The following PIK3C3 variants were observed in gnomAD, a reference collection of about 807,000 sequenced individuals.
The protein encoded by PIK3C3 is PI3-kinase type 3.
A neutral mutation model predicts 126.1 loss-of-function variants in PIK3C3; 95 were observed. That is an observed-to-expected ratio of 0.75 (90% CI 0.64 to 0.89). The LOEUF (loss-of-function observed/expected upper bound fraction) is 0.89. Ranked by LOEUF, PIK3C3 falls within the 40% of genes least tolerant of loss-of-function variation. PIK3C3 has a pLI of 0.00. For missense variants in PIK3C3, 829 were observed against 1,063.2 expected (o/e 0.78, Z 3.06); for synonymous variants, 374 against 360.0 (o/e 1.04, Z -0.44).
intron 24 of PIK3C3, among the ~76,000 whole-genome samples, 170 bp downstream of exon 24, chr18:42,067,683 A>T (rs1486561151): frequency 1.3e-5 from 2 of 152,238 alleles, no homozygotes; most frequent in African/African-American, 2.4e-5. Context: ...CACGTTACTA[A>T]TTCCAAAACA....
intron 4 of PIK3C3, among the ~76,000 whole-genome samples, chr18:41,979,602 A>G (rs1568119459): frequency 6.6e-6 from 1 of 152,214 alleles, no homozygotes; most frequent in African/African-American, 2.4e-5. Flanking sequence ...GAAACATTAA[A>G]GTATCCAAGG....
At chr18:42,076,194 A>ACATATATATG (rs1568013956) in intron 24 of PIK3C3, among the ~76,000 whole-genome samples, 3 of 99,532 alleles carry the variant, frequency 3.0e-5, no homozygotes, top group African/African-American at 1.7e-4. Context: ...ATATATATGC[A>ACATATATATG]CACATATATA....
In PIK3C3 at chr18:42,086,885, C is replaced by T. The variant is rs542625559; in HGVS notation, c.*5748C>T. ...CATCCTTTCTTTATTAACCTGCTTT[C>T]ACTTTATGGACTCCCCTGAATTCTT... is the stretch of plus-strand genomic sequence containing the variant. On this transcript the variant is annotated 3_prime_UTR_variant, in exon 25 of 25. Transcript: ENST00000262039. 1 of 152,288 alleles carries T rather than the reference C, an allele frequency of 6.6e-6. No individual in the cohort carries two copies. The highest frequency in any genetic ancestry group is 2.4e-5 in the African/African-American group (1 of 41,570). 9.4% of individuals were successfully genotyped at this position (152,288 alleles called of 1,614,324 possible).
At chr18:42,063,823 G>C (rs1318989085) in intron 22 of PIK3C3, among the ~76,000 whole-genome samples, 1 of 152,040 alleles carries the variant, frequency 6.6e-6, no homozygotes, top group Non-Finnish European at 1.5e-5. Flanking sequence ...CCCTAGAGAA[G>C]ACAGTGCAAG....
intron 21 of PIK3C3, among the ~76,000 whole-genome samples, chr18:42,055,039 A>G (rs190343631): frequency 2.0e-5 from 3 of 152,102 alleles, no homozygotes; most frequent in Admixed American, 1.3e-4. Flanking sequence ...TAATTTGGGT[A>G]TTTGACTCCT....
chr18:42,053,188 G>T (rs1273982090), intron 21 of PIK3C3, among the ~76,000 whole-genome samples: 8 of 152,160 alleles, frequency 5.3e-5, no homozygotes, highest in Non-Finnish European at 1.2e-4. Context: ...AAATGATCCA[G>T]CTAAGAACTC....
chr18:41,984,813 G>A (rs1413255810), intron 4 of PIK3C3: 1 of 152,104 alleles, frequency 6.6e-6, no homozygotes. Context: ...AATGAAATAT[G>A]CCTTCTGATA....
intron 19 of PIK3C3, among the ~76,000 whole-genome samples, chr18:42,043,323 C>T (rs556095210): frequency 6.6e-6 from 1 of 152,178 alleles, no homozygotes; most frequent in South Asian, 2.1e-4. Context: ...GATCTCTTGA[C>T]CTCATGATCT....
Position 42,081,592 on chromosome 18 carries a change from A to G in PIK3C3, c.*455A>G, listed in dbSNP as rs1986253315. 1.3e-5 allele frequency: 2 copies of G among 158,534 alleles called. No individual in the cohort carries two copies. Among genetic ancestry groups the G allele is most frequent in the Non-Finnish European group, 2.8e-5 (2 of 72,402 alleles). The allele number at this position is 158,534 out of a possible 1,614,324, so 9.8% of individuals were successfully genotyped here. A position where few individuals can be genotyped will look rare whatever the true frequency, so the allele number is the denominator to read the frequency against. The stretch of plus-strand genomic sequence containing the variant: ...TTCCTTCTTTCCTCTCTCTTCTCCC[A>G]CTCACTTTTGTGTGTTGTTTGTTTT... On this transcript the variant is annotated 3_prime_UTR_variant, in exon 25 of 25. Transcript: ENST00000262039.
chr18:42,035,230 T>C (rs1226375698), intron 16 of PIK3C3, among the ~76,000 whole-genome samples: 2 of 152,154 alleles, frequency 1.3e-5, no homozygotes, highest in Admixed American at 1.3e-4. Flanking sequence ...CAAGGTAATA[T>C]ACATATAACA....
chr18:42,086,530 A>AC lies in PIK3C3; in HGVS notation c.*5394dup, dbSNP rs1568019024. On this transcript the variant is annotated 3_prime_UTR_variant, in exon 25 of 25. Coordinates refer to ENST00000262039, the MANE Select transcript of PIK3C3 (RefSeq NM_002647.4). Reference sequence around the variant, plus strand: ...AGGTCACAAAGACCTTGCTGATAAAACAGTCTGTGGTAAAGAAGCCAGCCA... The same window carrying AC: ...AGGTCACAAAGACCTTGCTGATAAAACCAGTCTGTGGTAAAGAAGCCAGCCA... 1 of 152,152 alleles carries AC rather than the reference A, an allele frequency of 6.6e-6. No individual in the cohort carries two copies. Among genetic ancestry groups the AC allele is most frequent in the African/African-American group, 2.4e-5 (1 of 41,434 alleles). 9.4% of individuals were successfully genotyped at this position (152,152 alleles called of 1,614,324 possible). A position where few individuals can be genotyped will look rare whatever the true frequency, so the allele number is the denominator to read the frequency against.
intron 22 of PIK3C3, among the ~76,000 whole-genome samples, chr18:42,061,251 GTTATTA>G (rs775216028): frequency 8.5e-4 from 130 of 152,072 alleles, no homozygotes; most frequent in Admixed American, 3.5e-3. Context: ...CCCTATTATT[GTTATTA>G]TTATTTTTTA....
chr18:42,034,810 A>G (rs1205153257), intron 16 of PIK3C3, among the ~76,000 whole-genome samples: 1 of 152,228 alleles, frequency 6.6e-6, no homozygotes, highest in African/African-American at 2.4e-5. Flanking sequence ...GCATGAGTTA[A>G]GAAAGGGCTC....
chr18:42,039,487 A>G (rs911265880), intron 18 of PIK3C3, among the ~76,000 whole-genome samples: 1 of 152,192 alleles, frequency 6.6e-6, no homozygotes, highest in Non-Finnish European at 1.5e-5. Flanking sequence ...AAGTGCTTGC[A>G]TAGTGTGACA....
chr18:41,959,295 G>C (rs1486220274), intron 2 of PIK3C3, among the ~76,000 whole-genome samples: 2 of 152,044 alleles, frequency 1.3e-5, no homozygotes, highest in Non-Finnish European at 2.9e-5. Context: ...AAGATTAAAG[G>C]TTTTCTCCTC....
intron 9 of PIK3C3, among the ~76,000 whole-genome samples, chr18:42,001,710 T>C (rs41331951): frequency 0.011 from 1,643 of 152,278 alleles, 29 homozygotes; most frequent in African/African-American, 0.038. Flanking sequence ...CTAATAAGTC[T>C]ATAAATCTGA....
intron 10 of PIK3C3, among the ~76,000 whole-genome samples, chr18:42,011,395 T>A (rs1982820105): frequency 6.6e-6 from 1 of 152,246 alleles, no homozygotes; most frequent in Non-Finnish European, 1.5e-5. Flanking sequence ...TGTGCTTTTA[T>A]GTTATGGAAA....
chr18:42,039,197 C>T (rs993882499), intron 18 of PIK3C3, among the ~76,000 whole-genome samples: 1 of 152,074 alleles, frequency 6.6e-6, no homozygotes, highest in Non-Finnish European at 1.5e-5. Flanking sequence ...AGAAGATTCC[C>T]TAGGAATGCT....
chr18:41,960,620 G>A (rs907232010), intron 2 of PIK3C3, among the ~76,000 whole-genome samples: 1 of 152,130 alleles, frequency 6.6e-6, no homozygotes, highest in African/African-American at 2.4e-5. Context: ...GATGATTCGT[G>A]AAGAGGAGGA....
Sources: allele counts gnomAD v4.1 joint callset (sites outside exome capture counted in the v4.1 genomes callset), GRCh38; gene constraint gnomAD v4.1.1; transcripts MANE v1.5; gene names NCBI Gene and HGNC (gene_info 2026-07-23, HGNC 2026-07-21).